Variants in SATB1 observed in about 807,000 individuals in gnomAD.
SATB1 encodes SATB homeobox 1, also known as DNA-binding protein SATB1.
SATB1 carries 11 observed loss-of-function variants against 86.9 expected under a neutral mutation model. The ratio of observed to expected loss-of-function variants is 0.13; its 90% CI spans 0.08 to 0.21. The LOEUF is 0.21. Among genes scored for constraint, SATB1 ranks in the 10% least tolerant of loss-of-function variants. The pLI, the probability that SATB1 is intolerant of heterozygous loss-of-function variation, is 1.00. For missense variants in SATB1, 551 were observed against 937.6 expected, an observed-to-expected ratio of 0.59 and a Z score of 5.39; for synonymous variants, 357 against 357.2, an observed-to-expected ratio of 1.00 and a Z score of 0.01.
chr3:18,398,589 T>C (rs535187062), intron 5 of SATB1, among the ~76,000 whole-genome samples: 7 of 152,316 alleles, frequency 4.6e-5, no homozygotes, highest in African/African-American at 1.7e-4. Context: ...CCACTATCAG[T>C]GTTAATTCTG....
intron 7 of SATB1, among the ~76,000 whole-genome samples, chr3:18,390,344 C>T (rs1437814869): frequency 6.6e-6 from 1 of 152,140 alleles, no homozygotes; most frequent in Non-Finnish European, 1.5e-5. Context: ...TTCTTCAAGG[C>T]TACCTGCCTC....
intron 5 of SATB1, among the ~76,000 whole-genome samples, chr3:18,400,599 A>C (rs1697209859): frequency 6.6e-6 from 1 of 152,230 alleles, no homozygotes; most frequent in Admixed American, 6.5e-5. Context: ...TGACTTGAAG[A>C]GACATATTAT....
intron 3 of SATB1, among the ~76,000 whole-genome samples, chr3:18,416,477 C>T (rs1402509798): frequency 6.6e-6 from 1 of 152,086 alleles, no homozygotes; most frequent in East Asian, 1.9e-4. Flanking sequence ...ATAAGATTCT[C>T]TATTGCAGTG....
intron 2 of SATB1, among the ~76,000 whole-genome samples, chr3:18,419,653 C>T (rs893001088): frequency 2.6e-5 from 4 of 152,170 alleles, no homozygotes; most frequent in African/African-American, 9.6e-5. Context: ...TTTGAAAAGC[C>T]GTAATAAATT....
intron 5 of SATB1, among the ~76,000 whole-genome samples, chr3:18,397,573 T>C (rs1470463751): frequency 6.6e-6 from 1 of 152,214 alleles, no homozygotes; most frequent in Admixed American, 6.5e-5. Context: ...CATCTATTAC[T>C]AGGCTGTCAA....
chr3:18,414,393 G>A (rs117797040), intron 5 of SATB1, among the ~76,000 whole-genome samples: 1 of 151,956 alleles, frequency 6.6e-6, no homozygotes, highest in East Asian at 1.9e-4. Flanking sequence ...TCTCTATCTA[G>A]AGTTTTAGCT....
At chr3:18,412,159 G>A (rs1697880367) in intron 5 of SATB1, among the ~76,000 whole-genome samples, 1 of 151,974 alleles carries the variant, frequency 6.6e-6, no homozygotes, top group South Asian at 2.1e-4. Flanking sequence ...AGCAAGTCAG[G>A]ACTTTCTTGT....
chr3:18,413,366 T>G (rs879772407), intron 5 of SATB1, among the ~76,000 whole-genome samples: 1 of 152,158 alleles, frequency 6.6e-6, no homozygotes, highest in South Asian at 2.1e-4. Flanking sequence ...CTTCAGCTCA[T>G]AGTAAATGCC....
intron 8 of SATB1, among the ~76,000 whole-genome samples, chr3:18,382,314 T>C (rs1016891205): frequency 6.6e-6 from 1 of 152,172 alleles, no homozygotes; most frequent in African/African-American, 2.4e-5. Context: ...AAAAAGACTT[T>C]TGTGTAATTC....
intron 2 of SATB1, among the ~76,000 whole-genome samples, chr3:18,419,600 T>C (rs1698287989): frequency 6.6e-6 from 1 of 152,212 alleles, no homozygotes; most frequent in Admixed American, 6.5e-5. Context: ...AAGTCTTTTT[T>C]ATACAGCCCC....
In SATB1 at chr3:18,433,641, C is replaced by T. The variant is rs562275264; in HGVS notation, c.-25+3148G>A. Among the ~76,000 whole-genome samples the T allele has an allele frequency of 3.2e-4, 48 of 151,762 alleles. No individual in the cohort carries two copies. The South Asian group carries it at 7.1e-3, about 22-fold the overall frequency. ...TTCGTATCTGTATTTTTTTCTTATACGCATAATTAAGGAATGCTAATAAAG... is the reference window on the plus strand; with the variant it reads ...TTCGTATCTGTATTTTTTTCTTATATGCATAATTAAGGAATGCTAATAAAG... On this transcript the variant is annotated intron_variant, in intron 2 of 3. Coordinates refer to the SATB1 transcript ENST00000414509.
chr3:18,367,552 G>A lies in SATB1; in HGVS notation c.1575+10618C>T, dbSNP rs779206679. 5.9e-5 allele frequency among the ~76,000 whole-genome samples: 9 copies of A among 152,256 alleles called. No homozygotes were observed. In the Middle Eastern group the frequency reaches 0.01, roughly 173 times the overall value. ...ACTTGTTAACAGACAAATGGAAAAT[G>A]TCTTCTTATTAGATAGGGACCTGGA... On this transcript the variant is annotated intron_variant, in intron 9 of 10. Coordinates refer to ENST00000338745, the MANE Select transcript of SATB1 (RefSeq NM_002971.6).
intron 5 of SATB1, among the ~76,000 whole-genome samples, chr3:18,401,750 T>C (rs1697280026): frequency 6.6e-6 from 1 of 152,080 alleles, no homozygotes; most frequent in Non-Finnish European, 1.5e-5. Context: ...GACACAATAT[T>C]CTCATCCTAG....
rs1699332706 is a variant in SATB1, at chr3:18,444,638, G to A, written c.-25+880C>T. ...ATGGACGTTGGGGGCGGCGGTGGCTGTCGAGTGCGGGCCTGAAACCAAGAA... is the reference window on the plus strand; with the variant it reads ...ATGGACGTTGGGGGCGGCGGTGGCTATCGAGTGCGGGCCTGAAACCAAGAA... On this transcript the variant is annotated intron_variant, in intron 1 of 3. Transcript: ENST00000415069. This position sits in a 1 kb window ranked among gnomAD's most constrained non-coding sequence, Gnocchi z 5.1. 1.0e-6 allele frequency: 1 copy of A among 985,334 alleles called. No homozygotes were observed. The highest frequency in any genetic ancestry group is 1.2e-6 in the Non-Finnish European group (1 of 829,974). The allele number at this position is 985,334 out of a possible 1,614,324, so 61.0% of individuals were successfully genotyped here. A position where few individuals can be genotyped will look rare whatever the true frequency, so the allele number is the denominator to read the frequency against.
chr3:18,374,619 C>T (rs977389241), intron 9 of SATB1, among the ~76,000 whole-genome samples: 7 of 152,100 alleles, frequency 4.6e-5, no homozygotes, highest in East Asian at 1.9e-4. Flanking sequence ...TTTTATCAGA[C>T]GTTTCTATTA....
At position 18,424,061 on chromosome 3, in the gene SATB1, C is replaced by T. The variant is rs1698532577; in HGVS notation, c.-459G>A. ...GAAATCGTAAAAACAAAGCAAAACC[C>T]GTTATGAGCTGTACACTGTGATGGT... On this transcript the variant is annotated 5_prime_UTR_variant, in exon 1 of 11. Transcript: ENST00000338745. 2 of 151,672 alleles carry T rather than the reference C, an allele frequency of 1.3e-5. No homozygotes were observed. The highest frequency in any genetic ancestry group is 4.9e-5 in the African/African-American group (2 of 41,208). The allele number at this position is 151,672 out of a possible 1,614,324, so 9.4% of individuals were successfully genotyped here. A position where few individuals can be genotyped will look rare whatever the true frequency, so the allele number is the denominator to read the frequency against.
chr3:18,379,640 T>TA (rs1181744185), intron 8 of SATB1, among the ~76,000 whole-genome samples: 2 of 152,234 alleles, frequency 1.3e-5, no homozygotes, highest in Non-Finnish European at 2.9e-5. Flanking sequence ...TCTCCGTACT[T>TA]AAAGCATAAA....
chr3:18,418,625 C>A (rs985196535), intron 2 of SATB1, among the ~76,000 whole-genome samples: 1 of 152,132 alleles, frequency 6.6e-6, no homozygotes, highest in African/African-American at 2.4e-5. Context: ...TGCAAACTGG[C>A]GATTCCTTCC....
At position 18,381,025 on chromosome 3, in the gene SATB1, C is replaced by T. The variant is rs569898279; in HGVS notation, c.1420-2700G>A. Among the ~76,000 whole-genome samples, 3 of 152,220 alleles carry T rather than the reference C, an allele frequency of 2.0e-5. No individual in the cohort carries two copies. In the South Asian group the frequency reaches 6.2e-4, roughly 32 times the overall value. On this transcript the variant is annotated intron_variant, in intron 8 of 10. Coordinates refer to ENST00000338745, the MANE Select transcript of SATB1 (RefSeq NM_002971.6). Reference sequence around the variant, plus strand: ...ATAAATGCAGTTGCTTTCAGAATAGCTTTTATCAAGGTAGGGTGTACTACT... The same window carrying T: ...ATAAATGCAGTTGCTTTCAGAATAGTTTTTATCAAGGTAGGGTGTACTACT...
Sources: gnomAD v4.1 joint callset for allele counts (sites outside exome capture counted in the v4.1 genomes callset) on GRCh38, gnomAD v4.1.1 for gene constraint, Gnocchi (gnomAD v3.1) non-coding constraint, MANE v1.5 for transcripts, NCBI Gene and HGNC (gene_info 2026-07-23, HGNC 2026-07-21) for gene names.